Variants in LYPLAL1 observed in about 807,000 individuals in gnomAD.
The protein encoded by LYPLAL1 is lysophospholipase-like protein 1.
Under a neutral mutation model 19.7 loss-of-function variants are expected in LYPLAL1, and 23 were observed. The observed-to-expected ratio is 1.17, with a 90% CI of 0.84 to 1.65. The LOEUF (loss-of-function observed/expected upper bound fraction) is 1.65, where lower values mean the gene tolerates loss of function less well. Ranked by LOEUF, LYPLAL1 falls within the 40% of genes most tolerant of loss-of-function variation. The probability of loss-of-function intolerance (pLI) is 0.00; values close to 1 mark genes in which losing one functional copy is unlikely to be tolerated. For missense variants in LYPLAL1, 355 were observed against 279.4 expected, an observed-to-expected ratio of 1.27 and a Z score of -1.93; for synonymous variants, 119 against 96.3, an observed-to-expected ratio of 1.24 and a Z score of -1.38.
chr1:219,290,824 A>C, the LYPLAL1 span, among the ~76,000 whole-genome samples: 1 of 152,310 alleles, frequency 6.6e-6, no homozygotes, highest in East Asian at 1.9e-4. Flanking sequence ...CAAATGCACT[A>C]TCTTTATATT....
the LYPLAL1 span, among the ~76,000 whole-genome samples, chr1:219,228,069 G>C: frequency 3.9e-5 from 6 of 152,082 alleles, no homozygotes; most frequent in African/African-American, 1.4e-4. Flanking sequence ...CGGCTTCAGC[G>C]GTTCCAGGCA....
the LYPLAL1 span, among the ~76,000 whole-genome samples, chr1:219,406,422 T>A: frequency 6.6e-6 from 1 of 152,192 alleles, no homozygotes; most frequent in Non-Finnish European, 1.5e-5. Context: ...TTTCATTAAC[T>A]TTGGGCAGAC....
At chr1:219,383,127 T>C in the LYPLAL1 span, among the ~76,000 whole-genome samples, 1 of 152,260 alleles carries the variant, frequency 6.6e-6, no homozygotes, top group Non-Finnish European at 1.5e-5. Flanking sequence ...AGACCTCATG[T>C]CAATTTCCAG....
At chr1:219,299,683 C>T in the LYPLAL1 span, among the ~76,000 whole-genome samples, 3 of 152,096 alleles carry the variant, frequency 2.0e-5, no homozygotes, top group Non-Finnish European at 4.4e-5. Context: ...AGAGTGTTGC[C>T]CTTTCATGAG....
the LYPLAL1 span, among the ~76,000 whole-genome samples, chr1:219,299,503 G>A: frequency 9.2e-5 from 14 of 152,194 alleles, no homozygotes; most frequent in Non-Finnish European, 1.3e-4. Flanking sequence ...TTTACCGAGA[G>A]CCTAATAGGT....
chr1:219,282,068 G>A, the LYPLAL1 span, among the ~76,000 whole-genome samples: 1 of 152,076 alleles, frequency 6.6e-6, no homozygotes, highest in Non-Finnish European at 1.5e-5. Context: ...TAGACACAGA[G>A]GACTTAGATG....
At chr1:219,445,068 T>TA in the LYPLAL1 span, among the ~76,000 whole-genome samples, 11,962 of 142,962 alleles carry the variant, frequency 0.084, 498 homozygotes, top group South Asian at 0.16. Flanking sequence ...ATCCTGTGAA[T>TA]AAAAAAAAAA....
the LYPLAL1 span, among the ~76,000 whole-genome samples, chr1:219,226,629 C>T: frequency 6.6e-6 from 1 of 151,790 alleles, no homozygotes; most frequent in Non-Finnish European, 1.5e-5. Flanking sequence ...ACTTCAAATT[C>T]TGATCCAGCT....
chr1:219,193,292 T>C lies in LYPLAL1; in HGVS notation c.361+41T>C, dbSNP rs541732888. 3 of 1,528,878 alleles carry C rather than the reference T, an allele frequency of 2.0e-6. No homozygotes were observed. The Admixed American group carries it at 5.2e-5, about 27-fold the overall frequency. The allele number at this position is 1,528,878 out of a possible 1,614,324, so 94.7% of individuals were successfully genotyped here. On this transcript the variant is annotated intron_variant, in intron 3 of 4. Coordinates refer to ENST00000366928, the MANE Select transcript of LYPLAL1 (RefSeq NM_138794.5). ...GTTGGTAATTTATCACTGTTCACTT[T>C]TGTCTAATTCTATACATCAAATCTT... is the stretch of plus-strand genomic sequence containing the variant.
intron 3 of LYPLAL1, among the ~76,000 whole-genome samples, chr1:219,209,149 C>G (rs1057443800): frequency 3.3e-5 from 5 of 152,072 alleles, no homozygotes; most frequent in Non-Finnish European, 5.9e-5. Flanking sequence ...TCAGGTGGCT[C>G]TTGTCCATGG....
chr1:219,245,090 TTCTC>T, the LYPLAL1 span, among the ~76,000 whole-genome samples: 1 of 149,688 alleles, frequency 6.7e-6, no homozygotes, highest in Non-Finnish European at 1.5e-5. Context: ...TCTTTCTTCT[TTCTC>T]TTTCTTTCCC....
chr1:219,180,184 C>T (rs1297277794), intron 2 of LYPLAL1, among the ~76,000 whole-genome samples: 1 of 152,066 alleles, frequency 6.6e-6, no homozygotes, highest in East Asian at 1.9e-4. Flanking sequence ...AAGGTTTTGC[C>T]ATGTTGGCTA....
At chr1:219,261,014 C>T in the LYPLAL1 span, among the ~76,000 whole-genome samples, 7 of 152,044 alleles carry the variant, frequency 4.6e-5, 1 homozygote, top group South Asian at 1.5e-3. Flanking sequence ...ATCAAAATGA[C>T]ATATAAACCA....
At chr1:219,382,330 C>T in the LYPLAL1 span, among the ~76,000 whole-genome samples, 1 of 152,152 alleles carries the variant, frequency 6.6e-6, no homozygotes, top group African/African-American at 2.4e-5. Flanking sequence ...TTCCTCATTG[C>T]AAACTGCATT....
At chr1:219,354,535 A>G in the LYPLAL1 span, among the ~76,000 whole-genome samples, 8 of 152,220 alleles carry the variant, frequency 5.3e-5, no homozygotes, top group Non-Finnish European at 1.0e-4. Flanking sequence ...TCGCAGATCA[A>G]AAAAGATCAA....
intron 1 of LYPLAL1, among the ~76,000 whole-genome samples, chr1:219,176,145 T>C (rs1655793297): frequency 6.6e-6 from 1 of 152,178 alleles, no homozygotes; most frequent in Non-Finnish European, 1.5e-5. Context: ...TGTAGCCAAC[T>C]TAATTTGAGC....
At chr1:219,421,090 A>G in the LYPLAL1 span, among the ~76,000 whole-genome samples, 1 of 152,246 alleles carries the variant, frequency 6.6e-6, no homozygotes, top group South Asian at 2.1e-4. Flanking sequence ...GAGATTTGAC[A>G]TGGCCAATAA....
At chr1:219,299,117 T>G in the LYPLAL1 span, among the ~76,000 whole-genome samples, 1 of 149,720 alleles carries the variant, frequency 6.7e-6, no homozygotes, top group Non-Finnish European at 1.5e-5. Flanking sequence ...ATTATTTTAC[T>G]GTGCTTATCT....
chr1:219,259,462 A>G, the LYPLAL1 span, among the ~76,000 whole-genome samples: 22 of 150,658 alleles, frequency 1.5e-4, no homozygotes, highest in African/African-American at 4.9e-4. Context: ...ACTCAACCAT[A>G]TAAAGGAAAG....
Sources: allele counts gnomAD v4.1 joint callset (sites outside exome capture counted in the v4.1 genomes callset), GRCh38; gene constraint gnomAD v4.1.1; transcripts MANE v1.5; gene names NCBI Gene and HGNC (gene_info 2026-07-23, HGNC 2026-07-21).